Variants in CCDC24 observed in about 807,000 individuals in gnomAD.
The protein encoded by CCDC24 is coiled-coil domain containing 24.
In CCDC24, 34 loss-of-function variants were observed where a neutral mutation model predicts 31.6. That is an observed-to-expected ratio of 1.08 (90% CI 0.82 to 1.43). CCDC24 has a LOEUF of 1.43. CCDC24 is among the 40% of genes most tolerant of loss of function. The probability of loss-of-function intolerance (pLI) is 0.00; values close to 1 mark genes in which losing one functional copy is unlikely to be tolerated. For missense variants in CCDC24, 426 were observed against 391.1 expected (o/e 1.09, Z -0.75); for synonymous variants, 175 against 157.3 (o/e 1.11, Z -0.84).
chr1:43,995,685 C>G lies in CCDC24; in HGVS notation c.622+15C>G, dbSNP rs1393246654. 7 of 1,613,412 alleles carry G rather than the reference C, an allele frequency of 4.3e-6. No homozygotes were observed. The highest frequency in any genetic ancestry group is 5.9e-6 in the Non-Finnish European group (7 of 1,179,722). On this transcript the variant is annotated intron_variant, in intron 7 of 8. Coordinates refer to ENST00000372318, the MANE Select transcript of CCDC24 (RefSeq NM_152499.4). This position sits in a 1 kb window ranked among gnomAD's most constrained non-coding sequence, Gnocchi z 4.3. ...CACCCTGGCAGGTGAGGACACGGAG[C>G]AGGGCCCAGAACACCCAGCCTCCTG...
chr1:43,995,136 T>C lies in CCDC24; in HGVS notation c.526T>C (p.Leu176=). The change falls in exon 6 of 9, where the codon TTG becomes CTG. Residue 176 remains leucine, a synonymous_variant. Transcript: ENST00000372318. The surrounding 1 kb of genome is among the most constrained non-coding windows in gnomAD (Gnocchi z 4.3). ...RGLLEEECHT[L]EREILILQRC... ...CCTTCTGGAGGAGGAGTGTCACACC[T>C]TGGAGAGGGAGATCCTCATCCTGCA... The C allele has an allele frequency of 1.9e-6, 3 of 1,581,970 alleles. No homozygotes were observed. The African/African-American group carries it at 4.0e-5, about 21-fold the overall frequency.
chr1:43,995,488 C>T lies in CCDC24; in HGVS notation c.553-113C>T, dbSNP rs956586322. 53 of 1,196,914 alleles carry T rather than the reference C, an allele frequency of 4.4e-5. No homozygotes were observed. In the South Asian group the frequency reaches 6.2e-4, roughly 14 times the overall value. The allele number at this position is 1,196,914 out of a possible 1,614,324, so 74.1% of individuals were successfully genotyped here. On this transcript the variant is annotated intron_variant, in intron 6 of 8. Transcript: ENST00000372318. This position sits in a 1 kb window ranked among gnomAD's most constrained non-coding sequence, Gnocchi z 4.3. ...TCCCTGGGGAACGTGGCTGCCCTCA[C>T]GGTGGATGGGCTGAAGGGGCTGCAC...
Position 43,996,102 on chromosome 1 carries a change from C to T in CCDC24, c.866C>T (p.Pro289Leu). 1.2e-6 allele frequency: 2 copies of T among 1,613,656 alleles called. No individual in the cohort carries two copies. The highest frequency in any genetic ancestry group is 1.7e-6 in the Non-Finnish European group (2 of 1,179,860). The change falls in exon 9 of 9, where the codon CCC (proline) becomes CTC (leucine). Residue 289 changes from proline to leucine, a missense_variant. By Grantham distance (98) the Pro-to-Leu change is moderately conservative. Transcript: ENST00000372318. ...TGGGGACGGCAGCTTCAGTGCAGCCCCAGGGAAGGGCCAGCTTCCACACCC... is the reference window on the plus strand; with the variant it reads ...TGGGGACGGCAGCTTCAGTGCAGCCTCAGGGAAGGGCCAGCTTCCACACCC... ...HRWGRQLQCS[P>L]REGPASTPMS... is the part of the protein sequence containing the mutation.
Position 43,996,022 on chromosome 1 carries a change from T to TGCAC in CCDC24, c.787_790dup (p.Pro264ArgfsTer108). On this transcript the variant is annotated frameshift_variant, in exon 9 of 9. Coordinates refer to ENST00000372318, the MANE Select transcript of CCDC24 (RefSeq NM_152499.4). LOFTEE classifies it low-confidence loss of function (END_TRUNC). ...TTGCACCTCTCCAGTGCTGCCTGCCTGCACCTCCTCTGGAGCCCTACCTTC... is the reference window on the plus strand; with the variant it reads ...TTGCACCTCTCCAGTGCTGCCTGCCTGCACGCACCTCCTCTGGAGCCCTACCTTC... 6.2e-7 allele frequency: 1 copy of TGCAC among 1,614,178 alleles called. No individual in the cohort carries two copies.
rs200850101 is a variant in CCDC24, at chr1:43,991,858, G to C, written c.-21G>C. The C allele has an allele frequency of 1.9e-6, 3 of 1,549,322 alleles. No homozygotes were observed. In the East Asian group the frequency reaches 7.3e-5, roughly 38 times the overall value. On this transcript the variant is annotated 5_prime_UTR_variant, in exon 2 of 9. Transcript: ENST00000372318. ...CCTGCGGCCCGTAGGTCCGAGCCGG[G>C]GACGGCGGCGTCGGTGGGTCATGCT...
chr1:43,996,255 G>T lies in CCDC24; in HGVS notation c.*95G>T. On this transcript the variant is annotated 3_prime_UTR_variant, in exon 9 of 9. Coordinates refer to ENST00000372318, the MANE Select transcript of CCDC24 (RefSeq NM_152499.4). ...TTTGGCCCAGCCAGCTTCAGATCTG[G>T]TCTTGGCGAGCTCTCGCCAGGACCC... 1.7e-6 allele frequency: 2 copies of T among 1,193,204 alleles called. No individual in the cohort carries two copies. Among genetic ancestry groups the T allele is most frequent in the Non-Finnish European group, 2.3e-6 (2 of 870,398 alleles). The allele number at this position is 1,193,204 out of a possible 1,614,324, so 73.9% of individuals were successfully genotyped here.
intron 4 of CCDC24, among the ~76,000 whole-genome samples, chr1:43,992,958 G>C (rs1176938464): frequency 1.3e-5 from 2 of 152,248 alleles, no homozygotes; most frequent in Non-Finnish European, 2.9e-5. Context: ...GCAGGCGGTT[G>C]TTCCTCTGGC....
At position 43,992,264 on chromosome 1, in the gene CCDC24, G is replaced by A. The variant is rs752652126; in HGVS notation, c.179G>A (p.Ser60Asn). 6.2e-7 allele frequency: 1 copy of A among 1,614,020 alleles called. No individual in the cohort carries two copies. Among genetic ancestry groups the A allele is most frequent in the Admixed American group, 1.7e-5 (1 of 60,006 alleles). The part of the protein sequence containing the change: ...LQEARSSQAP[S>N]SRPISDPSSL... ...GAGGCTCGATCCTCTCAAGCCCCCA[G>A]CTCCCGCCCCATCTCTGACCCCTCT... The change falls in exon 3 of 9, where the codon AGC becomes AAC. Residue 60 changes from serine to asparagine, a missense_variant. By Grantham distance (46) the Ser-to-Asn change is conservative. Transcript: ENST00000372318.
In CCDC24 at chr1:43,996,219, G is replaced by T; in HGVS notation, c.*59G>T. 4 of 1,406,628 alleles carry T rather than the reference G, an allele frequency of 2.8e-6. No individual in the cohort carries two copies. The highest frequency in any genetic ancestry group is 3.8e-6 in the Non-Finnish European group (4 of 1,053,968). The allele number at this position is 1,406,628 out of a possible 1,614,324, so 87.1% of individuals were successfully genotyped here. On this transcript the variant is annotated 3_prime_UTR_variant, in exon 9 of 9. Transcript: ENST00000372318. ...CACAGCGCACCTGTCTGCCGCTGCC[G>T]CCTCAGCTGCTTTGGCCCAGCCAGC...
At position 43,991,854 on chromosome 1, in the gene CCDC24, C is replaced by G; in HGVS notation, c.-25C>G. The G allele has an allele frequency of 6.5e-7, 1 of 1,548,224 alleles. No homozygotes were observed. The highest frequency in any genetic ancestry group is 8.7e-7 in the Non-Finnish European group (1 of 1,145,536). ...CTGACCTGCGGCCCGTAGGTCCGAG[C>G]CGGGGACGGCGGCGTCGGTGGGTCA... On this transcript the variant is annotated 5_prime_UTR_variant, in exon 2 of 9. Transcript: ENST00000372318.
In CCDC24 at chr1:43,991,633, G is replaced by C; in HGVS notation, c.-146G>C. On this transcript the variant is annotated 5_prime_UTR_variant, in exon 1 of 9. Transcript: ENST00000372318. Reference sequence around the variant, plus strand: ...GCTAGGGCCCTGGTTCCCACTGCCTGGTTTCTGGGCCCCCGGCATCCGAGT... The same window carrying C: ...GCTAGGGCCCTGGTTCCCACTGCCTCGTTTCTGGGCCCCCGGCATCCGAGT... 1 of 706,066 alleles carries C rather than the reference G, an allele frequency of 1.4e-6. No homozygotes were observed. Among genetic ancestry groups the C allele is most frequent in the South Asian group, 1.5e-5 (1 of 67,634 alleles). 43.7% of individuals were successfully genotyped at this position (706,066 alleles called of 1,614,324 possible).
At chr1:43,993,409 A>C (rs1388177589) in intron 4 of CCDC24, among the ~76,000 whole-genome samples, 2 of 151,472 alleles carry the variant, frequency 1.3e-5, no homozygotes, top group African/African-American at 4.9e-5. Flanking sequence ...GCACCTGTGC[A>C]CTCCAACCTG....
chr1:43,993,706 G>T, intron 4 of CCDC24, 181 bp from the exon 5 acceptor site: 2 of 532,394 alleles, frequency 3.8e-6, no homozygotes, highest in Non-Finnish European at 6.8e-6. Context: ...TGATTTGCCT[G>T]AAGTCACACA....
rs2085853191 is a variant in CCDC24, at chr1:43,996,156, C to G, written c.920C>G (p.Ala307Gly). Residue 307 changes from alanine to glycine, a missense_variant, in exon 9 of 9, where the codon GCC (alanine) becomes GGC (glycine). By Grantham distance (60) the Ala-to-Gly change is moderately conservative. Coordinates refer to ENST00000372318, the MANE Select transcript of CCDC24 (RefSeq NM_152499.4). The stretch of plus-strand genomic sequence containing the variant: ...TCCAGTGCAGCACCCCAAGCCCCAG[C>G]CTGAAGGGCTGGTCACCGAGTAGGC... Reference protein sequence around the residue: ...PMSSAAPQAPA With the variant: ...PMSSAAPQAPG 1.9e-6 allele frequency: 3 copies of G among 1,577,282 alleles called. No homozygotes were observed. In the East Asian group the frequency reaches 6.8e-5, roughly 36 times the overall value.
rs2085833590 is a variant in CCDC24, at chr1:43,995,726, T to C, written c.623-52T>C. 6.2e-7 allele frequency: 1 copy of C among 1,613,224 alleles called. No homozygotes were observed. The highest frequency in any genetic ancestry group is 1.3e-5 in the African/African-American group (1 of 74,886). On this transcript the variant is annotated intron_variant, in intron 7 of 8. Coordinates refer to ENST00000372318, the MANE Select transcript of CCDC24 (RefSeq NM_152499.4). This position sits in a 1 kb window ranked among gnomAD's most constrained non-coding sequence, Gnocchi z 4.3. Reference sequence around the variant, plus strand: ...CAGCCTCCTGCTCCCACCCCACACTTGTACACACCCTAGAAGAGCTGGGCA... The same window carrying C: ...CAGCCTCCTGCTCCCACCCCACACTCGTACACACCCTAGAAGAGCTGGGCA...
At chr1:43,994,201 T>A in intron 5 of CCDC24, 1 of 485,816 alleles carries the variant, frequency 2.1e-6, no homozygotes. Flanking sequence ...ATCCCAGCAA[T>A]TTGGGAGGCC....
chr1:43,994,284 A>G, intron 5 of CCDC24: 1 of 355,196 alleles, frequency 2.8e-6, no homozygotes, highest in Non-Finnish European at 5.3e-6. Flanking sequence ...CATCTCTACC[A>G]AAACAAATAC....
intron 4 of CCDC24, among the ~76,000 whole-genome samples, chr1:43,993,568 G>A (rs1337710263): frequency 2.0e-5 from 3 of 151,056 alleles, no homozygotes; most frequent in Non-Finnish European, 4.4e-5. Flanking sequence ...GAGCACTTGA[G>A]CCCGGGATGT....
At position 43,995,938 on chromosome 1, in the gene CCDC24, GC is replaced by G. The variant is rs1235500674; in HGVS notation, c.703del (p.Gln235SerfsTer80). On this transcript the variant is annotated frameshift_variant and splice_region_variant, in exon 9 of 9. Coordinates refer to ENST00000372318, the MANE Select transcript of CCDC24 (RefSeq NM_152499.4). LOFTEE classifies it low-confidence loss of function (END_TRUNC). The surrounding 1 kb of genome is among the most constrained non-coding windows in gnomAD (Gnocchi z 4.3). ...CTCACAGTTACTCTTTCTTGTCCAG[GC>G]AGCGGCCCTTGGGGTCCTCCACACA... is the stretch of plus-strand genomic sequence containing the variant. ...GPSCVSPNHRQRPLGSSTQGL... is the reference protein window; with the variant it reads ...GPSCVSPNHRXRPLGSSTQGL... The G allele has an allele frequency of 1.2e-6, 2 of 1,613,886 alleles. No individual in the cohort carries two copies. The highest frequency in any genetic ancestry group is 1.7e-6 in the Non-Finnish European group (2 of 1,179,910).
Sources: gnomAD v4.1 joint callset for allele counts (sites outside exome capture counted in the v4.1 genomes callset) on GRCh38, gnomAD v4.1.1 for gene constraint, Gnocchi (gnomAD v3.1) non-coding constraint, MANE v1.5 for transcripts, NCBI Gene and HGNC (gene_info 2026-07-23, HGNC 2026-07-21) for gene names.